Variants in VDAC1 observed in about 807,000 individuals in gnomAD.
The protein encoded by VDAC1 is voltage dependent anion channel 1.
VDAC1 carries 10 observed loss-of-function variants against 34.7 expected under a neutral mutation model. The ratio of observed to expected loss-of-function variants is 0.29; its 90% CI spans 0.18 to 0.49. The LOEUF is 0.49. Ranked by LOEUF, VDAC1 falls within the 20% of genes least tolerant of loss-of-function variation. The pLI, the probability that VDAC1 is intolerant of heterozygous loss-of-function variation, is 0.99. For missense variants in VDAC1, 230 were observed against 347.9 expected (o/e 0.66, Z 2.69); for synonymous variants, 130 against 136.0 (o/e 0.96, Z 0.30).
At chr5:134,080,585 G>A in the VDAC1 span, among the ~76,000 whole-genome samples, 250 of 74,338 alleles carry the variant, frequency 3.4e-3, no homozygotes, top group African/African-American at 0.01. Flanking sequence ...GTTAAGTCGC[G>A]GAGGTACAGT....
At chr5:133,999,888 A>G (rs1319026892) in intron 1 of VDAC1, among the ~76,000 whole-genome samples, 1 of 152,086 alleles carries the variant, frequency 6.6e-6, no homozygotes, top group Non-Finnish European at 1.5e-5. Flanking sequence ...TACTATGGAA[A>G]AGTCTCTGGC....
At chr5:134,090,273 T>C in the VDAC1 span, among the ~76,000 whole-genome samples, 1 of 152,194 alleles carries the variant, frequency 6.6e-6, no homozygotes, top group Non-Finnish European at 1.5e-5. Flanking sequence ...AGAGACCCAC[T>C]GATGTTCTGC....
At chr5:134,051,881 A>G in the VDAC1 span, among the ~76,000 whole-genome samples, 1 of 151,804 alleles carries the variant, frequency 6.6e-6, no homozygotes, top group Non-Finnish European at 1.5e-5. Context: ...GTATCTTTGT[A>G]GAGACGGGGT....
intron 1 of VDAC1, 67 bp from the exon 2 acceptor site, chr5:133,993,085 A>G: frequency 6.7e-7 from 1 of 1,482,018 alleles, no homozygotes; most frequent in Non-Finnish European, 9.2e-7. Flanking sequence ...CATCAATAAC[A>G]ATTATTAGAT....
At chr5:134,012,142 A>G in the VDAC1 span, among the ~76,000 whole-genome samples, 1 of 152,210 alleles carries the variant, frequency 6.6e-6, no homozygotes, top group South Asian at 2.1e-4. Context: ...CCATGAGCCA[A>G]GGAATGCAGG....
At chr5:134,097,478 CA>C in the VDAC1 span, among the ~76,000 whole-genome samples, 60 of 152,300 alleles carry the variant, frequency 3.9e-4, 1 homozygote, top group South Asian at 0.011. Context: ...AGCCACAACA[CA>C]AAACTCTTTC....
At chr5:134,040,257 C>G in the VDAC1 span, among the ~76,000 whole-genome samples, 1 of 152,174 alleles carries the variant, frequency 6.6e-6, no homozygotes, top group Non-Finnish European at 1.5e-5. Flanking sequence ...ATGGCGAAAC[C>G]CGGTCTCCAC....
the VDAC1 span, among the ~76,000 whole-genome samples, chr5:134,012,969 T>C: frequency 6.6e-6 from 1 of 151,854 alleles, no homozygotes; most frequent in Non-Finnish European, 1.5e-5. Context: ...CTTCAACAAG[T>C]TGGACAAAAA....
rs201680896 is a variant in VDAC1 at position 133,991,062 on chromosome 5, C to A, written c.210G>T (p.Thr70=). The A allele has an allele frequency of 1.2e-6, 2 of 1,614,030 alleles. No homozygotes were observed. Among genetic ancestry groups the A allele is most frequent in the Non-Finnish European group, 1.7e-6 (2 of 1,180,052 alleles). The change falls in exon 4 of 9, where the codon ACG becomes ACT. Residue 70 remains threonine, a synonymous_variant. Coordinates refer to ENST00000265333, the MANE Select transcript of VDAC1 (RefSeq NM_003374.3). ...TKYRWTEYGL[T]FTEKWNTDNT... ...TGTCGGTATTCCATTTCTCTGTAAA[C>A]GTCAGGCCGTACTCAGTCCATCTGT...
At chr5:134,084,499 G>C in the VDAC1 span, among the ~76,000 whole-genome samples, 1 of 152,238 alleles carries the variant, frequency 6.6e-6, no homozygotes, top group Non-Finnish European at 1.5e-5. Context: ...TGGCCCTCCA[G>C]GGTGGCATGG....
At chr5:134,114,268 A>AAG in the VDAC1 span, among the ~76,000 whole-genome samples, 1 of 152,094 alleles carries the variant, frequency 6.6e-6, no homozygotes, top group Non-Finnish European at 1.5e-5. Context: ...AGCCTCAAGC[A>AAG]GCCTCAAGCC....
chr5:134,088,944 G>T, the VDAC1 span, among the ~76,000 whole-genome samples: 65 of 152,334 alleles, frequency 4.3e-4, no homozygotes, highest in East Asian at 6.2e-3. Context: ...TATGCTGAAG[G>T]TTCATCCACG....
the VDAC1 span, among the ~76,000 whole-genome samples, chr5:134,022,409 C>T: frequency 6.6e-6 from 1 of 152,138 alleles, no homozygotes; most frequent in East Asian, 1.9e-4. Context: ...TGCCATCTGG[C>T]GAGGGCCTTC....
chr5:134,049,763 A>T, the VDAC1 span, among the ~76,000 whole-genome samples: 1 of 151,926 alleles, frequency 6.6e-6, no homozygotes. Context: ...TATTTTTAGT[A>T]GAGATGGGGG....
the VDAC1 span, among the ~76,000 whole-genome samples, chr5:134,093,659 G>GAGAGAAGCATTCCAGATCTTCCGT: frequency 6.6e-6 from 1 of 152,238 alleles, no homozygotes; most frequent in African/African-American, 2.4e-5. Context: ...TGAGCCGGCA[G>GAGAGAAGCATTCCAGATCTTCCGT]AGAGAAGCAT....
chr5:134,068,053 G>A, the VDAC1 span, among the ~76,000 whole-genome samples: 1 of 152,134 alleles, frequency 6.6e-6, no homozygotes, highest in Non-Finnish European at 1.5e-5. Context: ...GGGAGGTGGA[G>A]GTTGCAGTAA....
chr5:134,062,827 A>G, the VDAC1 span, among the ~76,000 whole-genome samples: 1 of 151,522 alleles, frequency 6.6e-6, no homozygotes, highest in Non-Finnish European at 1.5e-5. Context: ...GGGTTTCACC[A>G]TGTTAGCCAG....
chr5:134,044,730 G>A, the VDAC1 span, among the ~76,000 whole-genome samples: 1 of 152,306 alleles, frequency 6.6e-6, no homozygotes, highest in Admixed American at 6.5e-5. Context: ...ACCGTGTGAT[G>A]TCCCAAGCTG....
chr5:133,985,230 T>C (rs1009039681), intron 5 of VDAC1, among the ~76,000 whole-genome samples: 2 of 152,176 alleles, frequency 1.3e-5, no homozygotes, highest in Admixed American at 6.5e-5. Context: ...GGAGTAGGTG[T>C]GCACAGACCT....
Sources: allele counts gnomAD v4.1 joint callset (sites outside exome capture counted in the v4.1 genomes callset), GRCh38; gene constraint gnomAD v4.1.1; transcripts MANE v1.5; gene names NCBI Gene and HGNC (gene_info 2026-07-23, HGNC 2026-07-21).